Variants in BRAF observed in about 807,000 individuals in gnomAD.
The protein encoded by BRAF is B-Raf proto-oncogene, serine/threonine kinase.
In BRAF, 16 loss-of-function variants were observed where a neutral mutation model predicts 104.6. That is an observed-to-expected ratio of 0.15 (90% CI 0.10 to 0.23). The LOEUF (loss-of-function observed/expected upper bound fraction) is 0.23, where lower values mean the gene tolerates loss of function less well. Ranked by LOEUF, BRAF falls within the 10% of genes least tolerant of loss-of-function variation. The pLI is 1.00. For synonymous variants in BRAF, 310 were observed against 341.6 expected, an observed-to-expected ratio of 0.91 and a Z score of 1.02; for missense variants, 541 against 937.3, an observed-to-expected ratio of 0.58 and a Z score of 5.52.
At chr7:140,756,039 A>T (rs1798176703) in intron 14 of BRAF, among the ~76,000 whole-genome samples, 1 of 152,162 alleles carries the variant, frequency 6.6e-6, no homozygotes, top group Non-Finnish European at 1.5e-5. Context: ...AACAAATTTG[A>T]TGCAGAGGAA....
At chr7:140,849,801 G>C (rs546587713) in intron 2 of BRAF, among the ~76,000 whole-genome samples, 1 of 151,602 alleles carries the variant, frequency 6.6e-6, no homozygotes, top group Non-Finnish European at 1.5e-5. Flanking sequence ...GACAGAGCGA[G>C]ACTCCGTCTC....
At chr7:140,803,153 C>T (rs1803305447) in intron 5 of BRAF, among the ~76,000 whole-genome samples, 1 of 152,164 alleles carries the variant, frequency 6.6e-6, no homozygotes, top group African/African-American at 2.4e-5. Context: ...TAGGCTATAC[C>T]ATGTAGGCTT....
chr7:140,868,638 A>C (rs1222830082), intron 1 of BRAF, among the ~76,000 whole-genome samples: 1 of 152,298 alleles, frequency 6.6e-6, no homozygotes, highest in East Asian at 1.9e-4. Flanking sequence ...AAACATTCTA[A>C]AATTAAATTT....
At chr7:140,816,104 C>T (rs145642394) in intron 3 of BRAF, among the ~76,000 whole-genome samples, 122 of 152,296 alleles carry the variant, frequency 8.0e-4, no homozygotes, top group Non-Finnish European at 1.6e-3. Context: ...GATTCCATAG[C>T]TGTTTTATTG....
intron 14 of BRAF, among the ~76,000 whole-genome samples, chr7:140,774,643 A>G (rs1800159801): frequency 6.6e-6 from 1 of 152,184 alleles, no homozygotes; most frequent in Non-Finnish European, 1.5e-5. Flanking sequence ...CAGCCTAGTG[A>G]GTAGCTAGGA....
At chr7:140,858,406 T>C (rs1328140520) in intron 1 of BRAF, among the ~76,000 whole-genome samples, 1 of 152,218 alleles carries the variant, frequency 6.6e-6, no homozygotes, top group Non-Finnish European at 1.5e-5. Context: ...TTGTGGAACA[T>C]TCTCTAAGAC....
chr7:140,881,098 G>C (rs1812852512), intron 1 of BRAF, among the ~76,000 whole-genome samples: 1 of 152,132 alleles, frequency 6.6e-6, no homozygotes, highest in South Asian at 2.1e-4. Flanking sequence ...TCTGAGCAGG[G>C]GGTCTCAACA....
In BRAF at chr7:140,924,800, G is replaced by T. The variant is rs1818709064; in HGVS notation, c.-97C>A. On this transcript the variant is annotated 5_prime_UTR_variant, in exon 1 of 20. Coordinates refer to ENST00000644969, the MANE Select transcript of BRAF (RefSeq NM_001374258.1). This position sits in a 1 kb window ranked among gnomAD's most constrained non-coding sequence, Gnocchi z 4.2. Reference sequence around the variant, plus strand: ...GGAGGCGGAGGCGGAGGCGGAGGCGGAGGAGCGGGGGGCGCGGGGGGCGCG... The same window carrying T: ...GGAGGCGGAGGCGGAGGCGGAGGCGTAGGAGCGGGGGGCGCGGGGGGCGCG... 4 of 457,118 alleles carry T rather than the reference G, an allele frequency of 8.8e-6. No individual in the cohort carries two copies. Among genetic ancestry groups the T allele is most frequent in the Non-Finnish European group, 1.5e-5 (4 of 263,432 alleles). 28.3% of individuals were successfully genotyped at this position (457,118 alleles called of 1,614,324 possible).
intron 1 of BRAF, among the ~76,000 whole-genome samples, chr7:140,921,946 T>G (rs776538731): frequency 7.2e-5 from 11 of 152,158 alleles, no homozygotes; most frequent in Non-Finnish European, 1.5e-4. Context: ...AGACTTCAAA[T>G]AAAAGACCAC....
chr7:140,910,839 A>AT (rs1816888357), intron 1 of BRAF, among the ~76,000 whole-genome samples: 1 of 151,982 alleles, frequency 6.6e-6, no homozygotes, highest in African/African-American at 2.4e-5. Flanking sequence ...CACTCAGCTA[A>AT]TTTTTTGTAG....
intron 1 of BRAF, among the ~76,000 whole-genome samples, chr7:140,897,307 T>A (rs1815043977): frequency 6.6e-6 from 1 of 152,040 alleles, no homozygotes; most frequent in Non-Finnish European, 1.5e-5. Context: ...GCTTTACAAA[T>A]AAGTGAGAAA....
chr7:140,839,822 T>C (rs970340526), intron 2 of BRAF, among the ~76,000 whole-genome samples: 1 of 152,198 alleles, frequency 6.6e-6, no homozygotes, highest in Non-Finnish European at 1.5e-5. Flanking sequence ...TTGATCTAAT[T>C]ATGTGCTTAG....
intron 3 of BRAF, among the ~76,000 whole-genome samples, chr7:140,825,233 G>A (rs1805903782): frequency 6.6e-6 from 1 of 152,118 alleles, no homozygotes; most frequent in African/African-American, 2.4e-5. Context: ...CTCCCAAAGT[G>A]CTGGGATTAC....
chr7:140,888,914 G>A (rs772146427), intron 1 of BRAF, among the ~76,000 whole-genome samples: 3 of 151,974 alleles, frequency 2.0e-5, no homozygotes, highest in Admixed American at 1.3e-4. Flanking sequence ...AATGTCTCCC[G>A]GCATTTTTGA....
rs932510498 is a variant in BRAF, at chr7:140,747,295, G to C, written c.2112+1992C>G. The C allele has an allele frequency of 5.0e-6, 4 of 801,022 alleles. No individual in the cohort carries two copies. The African/African-American group carries it at 7.5e-5, about 15-fold the overall frequency. 49.6% of individuals were successfully genotyped at this position (801,022 alleles called of 1,614,324 possible). On this transcript the variant is annotated intron_variant, in intron 17 of 19. Coordinates refer to ENST00000644969, the MANE Select transcript of BRAF (RefSeq NM_001374258.1). ...TTCTTCTCCATTAAATACTTAACTT[G>C]GTTTCAGACTAGCAAATTCCAGAAG... is the stretch of plus-strand genomic sequence containing the variant.
intron 17 of BRAF, 108 bp from the exon 17 acceptor site, chr7:140,740,054 T>C (rs1468039346): frequency 1.7e-6 from 2 of 1,203,300 alleles, no homozygotes; most frequent in African/African-American, 1.5e-5. Flanking sequence ...GCTTACGATG[T>C]ATGTATTACA....
intron 2 of BRAF, among the ~76,000 whole-genome samples, chr7:140,843,802 G>A (rs1050370867): frequency 1.3e-5 from 2 of 151,892 alleles, no homozygotes; most frequent in East Asian, 1.9e-4. Context: ...TCAGGAGATC[G>A]AGACCATCTT....
chr7:140,721,820 G>A lies in BRAF; in HGVS notation c.*4674C>T, dbSNP rs542824027. ...ATCCAATGGCCAGGTCATAAAGGAT[G>A]CCTTGAGACCTCCACCCTGGCCCCC... On this transcript the variant is annotated 3_prime_UTR_variant, in exon 20 of 20. Transcript: ENST00000644969. 2.2e-5 allele frequency: 31 copies of A among 1,393,408 alleles called. No individual in the cohort carries two copies. The South Asian group carries it at 4.7e-4, about 21-fold the overall frequency. 86.3% of individuals were successfully genotyped at this position (1,393,408 alleles called of 1,614,324 possible).
Position 140,722,293 on chromosome 7 carries a change from T to A in BRAF, c.*4201A>T, listed in dbSNP as rs1014038234. ...GTTAAATGTGATTTTGGCTATAAAC[T>A]CTTTAGTGCATTTACCTATGCAGTC... On this transcript the variant is annotated 3_prime_UTR_variant, in exon 20 of 20. Transcript: ENST00000644969. 12 of 1,056,252 alleles carry A rather than the reference T, an allele frequency of 1.1e-5. No individual in the cohort carries two copies. The highest frequency in any genetic ancestry group is 1.4e-5 in the Non-Finnish European group (12 of 873,652). 65.4% of individuals were successfully genotyped at this position (1,056,252 alleles called of 1,614,324 possible).
Sources: gnomAD v4.1 joint callset for allele counts (sites outside exome capture counted in the v4.1 genomes callset) on GRCh38, gnomAD v4.1.1 for gene constraint, Gnocchi (gnomAD v3.1) non-coding constraint, MANE v1.5 for transcripts, NCBI Gene and HGNC (gene_info 2026-07-23, HGNC 2026-07-21) for gene names.